SNX10: variants seen among roughly 807,000 people sequenced by gnomAD.
SNX10 encodes sorting nexin-10.
In SNX10, 25 loss-of-function variants were observed where a neutral mutation model predicts 28.5. The ratio of observed to expected loss-of-function variants is 0.88; its 90% confidence interval spans 0.64 to 1.22. SNX10 has a LOEUF of 1.22. Ranked by LOEUF, SNX10 falls within the 50% of genes most tolerant of loss-of-function variation. The pLI, the probability that SNX10 is intolerant of heterozygous loss-of-function variation, is 0.00. For missense variants in SNX10, 223 were observed against 242.6 expected, an observed-to-expected ratio of 0.92 and a Z score of 0.54; for synonymous variants, 62 against 81.4, an observed-to-expected ratio of 0.76 and a Z score of 1.28.
intron 1 of SNX10, among the ~76,000 whole-genome samples, chr7:26,309,417 C>G (rs1786732553): frequency 6.6e-6 from 1 of 152,042 alleles, no homozygotes; most frequent in Admixed American, 6.6e-5. Context: ...GAACGCTCAC[C>G]CAGTCGGTTC....
chr7:26,368,051 T>A (rs1201360020), intron 5 of SNX10, among the ~76,000 whole-genome samples: 1 of 152,218 alleles, frequency 6.6e-6, no homozygotes, highest in Non-Finnish European at 1.5e-5. Context: ...AAAGTACTGA[T>A]CTTTGTAGAG....
intron 1 of SNX10, among the ~76,000 whole-genome samples, chr7:26,336,871 G>A (rs970319685): frequency 6.6e-5 from 10 of 151,834 alleles, no homozygotes; most frequent in African/African-American, 2.4e-4. Flanking sequence ...TTCTTTGATT[G>A]TTTCTTAAAA....
intron 2 of SNX10, among the ~76,000 whole-genome samples, chr7:26,349,979 C>T (rs1290608022): frequency 3.9e-5 from 6 of 152,196 alleles, no homozygotes; most frequent in Non-Finnish European, 8.8e-5. Flanking sequence ...TGGGCTCTTT[C>T]CTTGGCACAG....
chr7:26,323,405 A>C (rs1259603092), intron 1 of SNX10, among the ~76,000 whole-genome samples: 1 of 152,208 alleles, frequency 6.6e-6, no homozygotes, highest in African/African-American at 2.4e-5. Flanking sequence ...AAGCATTCCA[A>C]GAAGAGGGCA....
chr7:26,309,717 A>G (rs1584099350), intron 1 of SNX10, among the ~76,000 whole-genome samples: 1 of 152,066 alleles, frequency 6.6e-6, no homozygotes, highest in South Asian at 2.1e-4. Context: ...TCTTTTAAGC[A>G]TTTATTTCTA....
At chr7:26,296,004 G>A (rs548027856) in intron 1 of SNX10, among the ~76,000 whole-genome samples, 3 of 152,250 alleles carry the variant, frequency 2.0e-5, no homozygotes, top group East Asian at 1.9e-4. Flanking sequence ...GTGTGGTGGC[G>A]CATGCCTGTA....
At chr7:26,334,654 A>C (rs2128006146) in intron 1 of SNX10, among the ~76,000 whole-genome samples, 1 of 152,330 alleles carries the variant, frequency 6.6e-6, no homozygotes, top group African/African-American at 2.4e-5. Context: ...CATAGAGATT[A>C]GCAAGTTAGT....
At chr7:26,318,835 A>G (rs182825748) in intron 1 of SNX10, among the ~76,000 whole-genome samples, 1 of 152,278 alleles carries the variant, frequency 6.6e-6, no homozygotes, top group East Asian at 1.9e-4. Context: ...TAAGTACATT[A>G]TCTGATTTAA....
At chr7:26,293,972 T>C (rs572297635) in intron 1 of SNX10, among the ~76,000 whole-genome samples, 236 of 152,368 alleles carry the variant, frequency 1.5e-3, no homozygotes, top group African/African-American at 5.3e-3. Flanking sequence ...ACTACTTTCA[T>C]TTTAAGGCTT....
chr7:26,305,876 C>A (rs2127995474), intron 1 of SNX10, among the ~76,000 whole-genome samples: 1 of 152,160 alleles, frequency 6.6e-6, no homozygotes, highest in East Asian at 1.9e-4. Flanking sequence ...GGCATTTCAC[C>A]CACTTCTGTT....
chr7:26,292,407 G>A lies in SNX10; in HGVS notation c.-24+321G>A, dbSNP rs116022648. 7.8e-4 allele frequency among the ~76,000 whole-genome samples: 119 copies of A among 152,296 alleles called. 1 individual carries two copies. The highest frequency in any genetic ancestry group is 2.8e-3 in the African/African-American group (115 of 41,558). ...TCTAGATTACGGAAGAAGTGCTGTG[G>A]CACCTTACACCAGGCCGGGTAGAAG... is the stretch of plus-strand genomic sequence containing the variant. On this transcript the variant is annotated intron_variant, in intron 1 of 6. Coordinates refer to ENST00000338523, the MANE Select transcript of SNX10 (RefSeq NM_013322.3).
chr7:26,357,697 C>A (rs1207160149), intron 2 of SNX10, among the ~76,000 whole-genome samples: 1 of 152,114 alleles, frequency 6.6e-6, no homozygotes, highest in Admixed American at 6.5e-5. Flanking sequence ...GAATAGTTGT[C>A]AGTGGTTCCA....
At chr7:26,329,182 G>A (rs767092833) in intron 1 of SNX10, among the ~76,000 whole-genome samples, 5 of 152,172 alleles carry the variant, frequency 3.3e-5, no homozygotes, top group Non-Finnish European at 5.9e-5. Context: ...GGTGTGACCC[G>A]GCCCACATCT....
chr7:26,367,431 C>A (rs146234815), intron 5 of SNX10, among the ~76,000 whole-genome samples: 6 of 152,240 alleles, frequency 3.9e-5, no homozygotes, highest in African/African-American at 1.2e-4. Context: ...CATTTGTTCC[C>A]CTGTGGTATG....
At chr7:26,313,823 G>C (rs1308985701) in intron 1 of SNX10, among the ~76,000 whole-genome samples, 1 of 151,892 alleles carries the variant, frequency 6.6e-6, no homozygotes, top group Non-Finnish European at 1.5e-5. Context: ...TTCTTTTTCT[G>C]AGATGGAGAC....
At chr7:26,340,248 G>A (rs1468188986) in intron 1 of SNX10, among the ~76,000 whole-genome samples, 1 of 152,110 alleles carries the variant, frequency 6.6e-6, no homozygotes, top group Non-Finnish European at 1.5e-5. Flanking sequence ...GCACAGTAAT[G>A]GCTTGCTCTG....
chr7:26,371,919 A>G lies in SNX10; in HGVS notation c.410A>G (p.Gln137Arg), dbSNP rs768362725. The stretch of plus-strand genomic sequence containing the variant: ...GACATTGAGGCGTGTGTTTCTGGGC[A>G]GACTAAGTACTCTGTGGAAGAAGCA... ...SEDIEACVSG[Q>R]TKYSVEEAIH... The change falls in exon 6 of 7, where the codon CAG (glutamine) becomes CGG (arginine). Residue 137 changes from glutamine to arginine, a missense_variant. Transcript: ENST00000338523. The G allele has an allele frequency of 1.2e-6, 2 of 1,613,676 alleles. No homozygotes were observed. Among genetic ancestry groups the G allele is most frequent in the Admixed American group, 1.7e-5 (1 of 60,004 alleles).
chr7:26,301,511 G>A (rs1786365987), intron 1 of SNX10, among the ~76,000 whole-genome samples: 1 of 152,136 alleles, frequency 6.6e-6, no homozygotes, highest in African/African-American at 2.4e-5. Context: ...GGAACCAAAG[G>A]GGGCACCAAA....
Position 26,346,377 on chromosome 7 carries a change from T to C in SNX10, c.-23-43T>C, listed in dbSNP as rs571532149. 4.0e-6 allele frequency: 5 copies of C among 1,265,590 alleles called. No individual in the cohort carries two copies. The East Asian group carries it at 1.2e-4, about 29-fold the overall frequency. The allele number at this position is 1,265,590 out of a possible 1,614,324, so 78.4% of individuals were successfully genotyped here. A position where few individuals can be genotyped will look rare whatever the true frequency, so the allele number is the denominator to read the frequency against. On this transcript the variant is annotated intron_variant, in intron 1 of 6. Transcript: ENST00000338523. The stretch of plus-strand genomic sequence containing the variant: ...CCATGAGTGGTGTATCCACTCCAGT[T>C]TGGAGGTTCCAAATGACCCAGTGTG...
Sources: gnomAD v4.1 joint callset for allele counts (sites outside exome capture counted in the v4.1 genomes callset) on GRCh38, gnomAD v4.1.1 for gene constraint, MANE v1.5 for transcripts, NCBI Gene and HGNC (gene_info 2026-07-23, HGNC 2026-07-21) for gene names.